FSTL5: variants seen among roughly 807,000 people sequenced by gnomAD.
FSTL5 encodes follistatin-related protein 5.
Under a neutral mutation model 89.1 loss-of-function variants are expected in FSTL5, and 62 were observed. That is an observed-to-expected ratio of 0.70 (90% CI 0.57 to 0.86). FSTL5 has a LOEUF of 0.86. Among genes scored for constraint, FSTL5 ranks in the 40% least tolerant of loss-of-function variants. The pLI is 0.00. For synonymous variants in FSTL5, 383 were observed against 346.2 expected (o/e 1.11, Z -1.18); for missense variants, 1,057 against 1,001.6 (o/e 1.06, Z -0.75).
chr4:161,616,284 C>T (rs546814531), intron 7 of FSTL5, among the ~76,000 whole-genome samples: 2 of 152,152 alleles, frequency 1.3e-5, no homozygotes, highest in South Asian at 4.2e-4. Flanking sequence ...GGGGTTTCAC[C>T]ATGTTGGCCA....
At chr4:161,487,436 CCA>C (rs1306897104) in intron 12 of FSTL5, among the ~76,000 whole-genome samples, 7 of 152,096 alleles carry the variant, frequency 4.6e-5, no homozygotes, top group African/African-American at 1.7e-4. Context: ...TTGAAAATAA[CCA>C]TTTAGAAACT....
chr4:161,968,969 GCACACACA>G (rs34014344), intron 3 of FSTL5, among the ~76,000 whole-genome samples: 4 of 146,910 alleles, frequency 2.7e-5, no homozygotes, highest in African/African-American at 5.1e-5. Context: ...ACTCACATAA[GCACACACA>G]CACACACACA....
At chr4:161,784,699 C>A (rs1266932049) in intron 4 of FSTL5, among the ~76,000 whole-genome samples, 1 of 151,928 alleles carries the variant, frequency 6.6e-6, no homozygotes, top group African/African-American at 2.4e-5. Flanking sequence ...TCGAGACCAT[C>A]CTGGCTAACA....
chr4:161,851,497 A>C (rs1731548070), intron 4 of FSTL5, among the ~76,000 whole-genome samples: 1 of 152,194 alleles, frequency 6.6e-6, no homozygotes, highest in African/African-American at 2.4e-5. Context: ...ATAAACTGCC[A>C]AAATGAAACA....
At chr4:161,431,415 G>T (rs1380151701) in intron 15 of FSTL5, among the ~76,000 whole-genome samples, 1 of 151,064 alleles carries the variant, frequency 6.6e-6, no homozygotes, top group Non-Finnish European at 1.5e-5. Context: ...TGAGTTAAAA[G>T]ATATTATTTG....
chr4:161,692,621 C>A (rs1296058181), intron 6 of FSTL5, among the ~76,000 whole-genome samples: 1 of 152,050 alleles, frequency 6.6e-6, no homozygotes, highest in Non-Finnish European at 1.5e-5. Flanking sequence ...GTGAATGTGT[C>A]CAGGGGGACA....
intron 4 of FSTL5, among the ~76,000 whole-genome samples, chr4:161,867,806 A>T (rs1414541476): frequency 6.6e-6 from 1 of 151,956 alleles, no homozygotes; most frequent in South Asian, 2.1e-4. Flanking sequence ...ACTTCATTTC[A>T]ATCATTTCAG....
chr4:161,814,521 T>C (rs1234061493), intron 4 of FSTL5, among the ~76,000 whole-genome samples: 3 of 152,126 alleles, frequency 2.0e-5, no homozygotes, highest in Non-Finnish European at 2.9e-5. Context: ...TCAGGTTTTA[T>C]TTCTACAAAA....
At chr4:162,120,610 A>G (rs2111431578) in intron 1 of FSTL5, among the ~76,000 whole-genome samples, 1 of 152,178 alleles carries the variant, frequency 6.6e-6, no homozygotes, top group African/African-American at 2.4e-5. Context: ...TCTTTACATA[A>G]TTGAAAATAT....
rs138255373 is a variant in FSTL5, at chr4:161,542,539, C to A, written c.1170G>T (p.Thr390=). Reference sequence around the variant, plus strand: ...AAAGCAAGTAAAAAGCACCTTGAAGCGTGAGTTGTTTGGAAAGCTTTGGTG... The same window carrying A: ...AAAGCAAGTAAAAAGCACCTTGAAGAGTGAGTTGTTTGGAAAGCTTTGGTG... ...DITPKLSKQL[T]LQANGSEVHI... The change falls in exon 9 of 16, where the codon ACG becomes ACT. Residue 390 remains threonine (T), a synonymous_variant. Transcript: ENST00000306100. The A allele has an allele frequency of 6.7e-7, 1 of 1,487,642 alleles. No homozygotes were observed. The highest frequency in any genetic ancestry group is 2.6e-5 in the East Asian group (1 of 39,212). The allele number at this position is 1,487,642 out of a possible 1,614,324, so 92.2% of individuals were successfully genotyped here. A position where few individuals can be genotyped will look rare whatever the true frequency, so the allele number is the denominator to read the frequency against.
At chr4:162,130,186 C>T (rs749180312) in intron 1 of FSTL5, among the ~76,000 whole-genome samples, 8 of 152,138 alleles carry the variant, frequency 5.3e-5, no homozygotes, top group Non-Finnish European at 1.0e-4. Flanking sequence ...AGTGGAAAAA[C>T]TCTCTTTTTG....
At chr4:161,946,634 A>G (rs1310404990) in intron 3 of FSTL5, among the ~76,000 whole-genome samples, 2 of 152,170 alleles carry the variant, frequency 1.3e-5, no homozygotes, top group Non-Finnish European at 2.9e-5. Context: ...ATATCTGCTT[A>G]CCCATTCTCC....
intron 4 of FSTL5, among the ~76,000 whole-genome samples, chr4:161,810,172 A>T (rs912426700): frequency 1.3e-5 from 2 of 152,168 alleles, no homozygotes; most frequent in Non-Finnish European, 2.9e-5. Flanking sequence ...ATTGCAAAAA[A>T]ACTCAGTTAC....
chr4:161,656,398 G>A lies in FSTL5; in HGVS notation c.824C>T (p.Thr275Ile). 2 of 1,610,090 alleles carry A rather than the reference G, an allele frequency of 1.2e-6. No homozygotes were observed. Among genetic ancestry groups the A allele is most frequent in the South Asian group, 1.1e-5 (1 of 90,810 alleles). ...SAVLSCAIQG[T>I]LRPPIIWKRN... ...TTTCCAGATAATGGGAGGTCTCAGG[G>A]TTCCTTGAATGGCACAGCTCAGAAC... The change falls in exon 7 of 16, where the codon ACC becomes ATC. Residue 275 changes from threonine to isoleucine, a missense_variant. Transcript: ENST00000306100.
At chr4:161,942,956 T>C (rs941571354) in intron 3 of FSTL5, among the ~76,000 whole-genome samples, 10 of 152,174 alleles carry the variant, frequency 6.6e-5, no homozygotes, top group South Asian at 2.1e-4. Flanking sequence ...CAATTAGTGT[T>C]AATAAGCCAA....
At chr4:161,937,824 C>T (rs1389516029) in intron 3 of FSTL5, among the ~76,000 whole-genome samples, 2 of 152,132 alleles carry the variant, frequency 1.3e-5, no homozygotes, top group African/African-American at 2.4e-5. Context: ...TCCTCATATA[C>T]GTGTGCTGTA....
intron 1 of FSTL5, among the ~76,000 whole-genome samples, 174 bp downstream of exon 1, chr4:162,163,441 T>A (rs1407803487): frequency 1.2e-5 from 1 of 82,096 alleles, no homozygotes; most frequent in Non-Finnish European, 2.5e-5. Context: ...TGTCTTGTAA[T>A]AATAATAATA....
intron 6 of FSTL5, among the ~76,000 whole-genome samples, chr4:161,703,561 A>G (rs1738474254): frequency 6.6e-6 from 1 of 152,016 alleles, no homozygotes; most frequent in African/African-American, 2.4e-5. Context: ...TGTTCCCTCC[A>G]TATGTGTAGA....
intron 2 of FSTL5, among the ~76,000 whole-genome samples, chr4:162,069,363 T>C (rs1034729955): frequency 1.3e-5 from 2 of 152,032 alleles, no homozygotes; most frequent in African/African-American, 2.4e-5. Flanking sequence ...TATCTTTCCC[T>C]TTAAACATTT....
Sources: gnomAD v4.1 joint callset for allele counts (sites outside exome capture counted in the v4.1 genomes callset) on GRCh38, gnomAD v4.1.1 for gene constraint, MANE v1.5 for transcripts, NCBI Gene and HGNC (gene_info 2026-07-23, HGNC 2026-07-21) for gene names.